The following H2BC4 variants were observed in gnomAD, a reference collection of about 807,000 sequenced individuals.
H2BC4 encodes histone H2B type 1-C/E/F/G/I.
In H2BC4, 10 loss-of-function variants were observed where a neutral mutation model predicts 6.2. The observed-to-expected ratio is 1.61, with a 90% CI of 0.99 to 2.73. The LOEUF is 2.73. H2BC4 is among the 30% of genes most tolerant of loss of function. The pLI is 0.00. For synonymous variants in H2BC4, 146 were observed against 70.7 expected, an observed-to-expected ratio of 2.07 and a Z score of -5.35; for missense variants, 176 against 168.7, an observed-to-expected ratio of 1.04 and a Z score of -0.24.
At chr6:26,119,835 T>C (rs557326462), downstream of H2BC4, among the ~76,000 whole-genome samples, 19 of 152,050 alleles carry the variant, frequency 1.2e-4, no homozygotes, top group Middle Eastern at 7.5e-3. Flanking sequence ...AGATGTATTA[T>C]ATATTTTCCT....
chr6:26,114,695 C>A (rs114769149), downstream of H2BC4, among the ~76,000 whole-genome samples: 4,040 of 151,580 alleles, frequency 0.027, 142 homozygotes, highest in African/African-American at 0.078. Context: ...TTGAAGTAGT[C>A]AATAACAAAT....
At chr6:26,122,950 T>C (rs1459292940), downstream of H2BC4, among the ~76,000 whole-genome samples, 2 of 152,196 alleles carry the variant, frequency 1.3e-5, no homozygotes, top group East Asian at 3.8e-4. Flanking sequence ...ACCGGGGCAG[T>C]TGGAAACCCA....
At chr6:26,121,027 A>C (rs887823921), downstream of H2BC4, among the ~76,000 whole-genome samples, 2 of 152,188 alleles carry the variant, frequency 1.3e-5, no homozygotes, top group Admixed American at 1.3e-4. Flanking sequence ...ATCTTAACAC[A>C]GGAATACTGG....
downstream of H2BC4, among the ~76,000 whole-genome samples, chr6:26,123,186 G>A (rs1179110356): frequency 6.6e-6 from 1 of 152,208 alleles, no homozygotes; most frequent in East Asian, 1.9e-4. Flanking sequence ...TCCTGGCGAC[G>A]TAGACAGGGA....
rs1358360275 is a variant in H2BC4 at position 26,116,145 on chromosome 6, G to GT, written c.*10-1011dup. Among the ~76,000 whole-genome samples the GT allele has an allele frequency of 4.6e-5, 7 of 152,160 alleles. No homozygotes were observed. In the South Asian group the frequency reaches 1.5e-3, roughly 32 times the overall value. On this transcript the variant is annotated intron_variant, in intron 1 of 1. Transcript: ENST00000314332. The stretch of plus-strand genomic sequence containing the variant: ...TAGAATTTTAAGTGATGAGGATAAG[G>GT]TTTTACCACAGGTAGCCTCCTCTAC...
At chr6:26,122,397 T>A (rs985122183), downstream of H2BC4, among the ~76,000 whole-genome samples, 2 of 152,218 alleles carry the variant, frequency 1.3e-5, no homozygotes, top group African/African-American at 4.8e-5. Context: ...AAAAACGTGT[T>A]CTAGACTTGA....
At chr6:26,116,058 A>C (rs370433456) in intron 1 of H2BC4, among the ~76,000 whole-genome samples, 1 of 152,206 alleles carries the variant, frequency 6.6e-6, no homozygotes, top group Non-Finnish European at 1.5e-5. Flanking sequence ...AAGTTTATTC[A>C]TATTTCTCTT....
intron 1 of H2BC4, among the ~76,000 whole-genome samples, chr6:26,118,085 A>C (rs1202481572): frequency 2.0e-5 from 3 of 152,182 alleles, no homozygotes; most frequent in African/African-American, 7.2e-5. Flanking sequence ...TTTTGGTAAA[A>C]ATATCTCATA....
downstream of H2BC4, among the ~76,000 whole-genome samples, chr6:26,122,458 TG>T (rs1353568006): frequency 6.6e-6 from 1 of 152,192 alleles, no homozygotes; most frequent in African/African-American, 2.4e-5. Flanking sequence ...AATCTTTACC[TG>T]GAAAAGACCA....
chr6:26,114,636 A>G (rs1036579175), downstream of H2BC4, among the ~76,000 whole-genome samples: 1 of 152,092 alleles, frequency 6.6e-6, no homozygotes, highest in African/African-American at 2.4e-5. Flanking sequence ...ATGTACAAAG[A>G]TGTGTGAGCT....
At chr6:26,118,303 A>C (rs949561850) in intron 1 of H2BC4, among the ~76,000 whole-genome samples, 7 of 151,812 alleles carry the variant, frequency 4.6e-5, no homozygotes, top group Admixed American at 2.6e-4. Flanking sequence ...TCTTAGATGA[A>C]TAGGTCTCAA....
chr6:26,123,826 C>T lies in H2BC4; in HGVS notation c.79G>A (p.Gly27Ser), dbSNP rs370369700. 142 of 1,614,146 alleles carry T rather than the reference C, an allele frequency of 8.8e-5. No homozygotes were observed. Among genetic ancestry groups the T allele is most frequent in the Non-Finnish European group, 1.1e-4 (134 of 1,180,052 alleles). ...KAVTKAQKKD[G>S]KKRKRSRKES... ...TTGCGGCTGCGCTTGCGCTTCTTGC[C>T]ATCTTTCTTCTGCGCTTTGGTCACT... Residue 27 changes from glycine to serine, a missense_variant, in exon 1 of 1, where the codon GGC becomes AGC. Transcript: ENST00000396984.
At chr6:26,123,366 C>T (rs561633884), downstream of H2BC4, 2 of 1,300,572 alleles carry the variant, frequency 1.5e-6, no homozygotes, top group Non-Finnish European at 2.1e-6. Context: ...CCTCTCTAAG[C>T]TGCAACACTT....
Position 26,123,876 on chromosome 6 carries a change from G to C in H2BC4, c.29C>G (p.Ala10Gly). The C allele has an allele frequency of 6.2e-7, 1 of 1,614,184 alleles. No homozygotes were observed. The highest frequency in any genetic ancestry group is 8.5e-7 in the Non-Finnish European group (1 of 1,180,034). The part of the protein sequence containing the change: MPEPAKSAP[A>G]PKKGSKKAVT... ...TGCCTTCTTGGAGCCCTTCTTCGGGGCGGGAGCAGACTTGGCTGGCTCAGG... is the reference window on the plus strand; with the variant it reads ...TGCCTTCTTGGAGCCCTTCTTCGGGCCGGGAGCAGACTTGGCTGGCTCAGG... The change falls in exon 1 of 1, where the codon GCC (alanine) becomes GGC (glycine). Residue 10 changes from alanine (A) to glycine (G), a missense_variant. Physicochemically the swap from Ala to Gly is moderately conservative, Grantham distance 60. Transcript: ENST00000396984.
chr6:26,115,881 CA>C (rs1407939337), intron 1 of H2BC4, among the ~76,000 whole-genome samples: 2 of 152,076 alleles, frequency 1.3e-5, no homozygotes, highest in African/African-American at 4.8e-5. Flanking sequence ...ATTGTTTAAG[CA>C]AGTCTAACAA....
At chr6:26,120,068 G>A (rs1033566626), downstream of H2BC4, among the ~76,000 whole-genome samples, 8 of 151,962 alleles carry the variant, frequency 5.3e-5, no homozygotes, top group Admixed American at 2.6e-4. Flanking sequence ...TTAAATTGAT[G>A]TATTTTAAGT....
At chr6:26,119,788 AATT>A (rs1428585825), downstream of H2BC4, among the ~76,000 whole-genome samples, 2 of 127,950 alleles carry the variant, frequency 1.6e-5, no homozygotes, top group Non-Finnish European at 1.7e-5. Flanking sequence ...TTTAAAATGA[AATT>A]ATTAAGCCAA....
chr6:26,123,313 C>G, downstream of H2BC4: 1 of 882,054 alleles, frequency 1.1e-6, no homozygotes, highest in Non-Finnish European at 1.7e-6. Flanking sequence ...ACCCCAAAGC[C>G]ATTTTTAATG....
At chr6:26,123,242 G>C (rs1763532485), downstream of H2BC4, 5 of 497,550 alleles carry the variant, frequency 1.0e-5, no homozygotes, top group Non-Finnish European at 1.4e-5. Context: ...GTTTCTTCCG[G>C]GAACGCCGAG....
Sources: gnomAD v4.1 joint callset for allele counts (sites outside exome capture counted in the v4.1 genomes callset) on GRCh38, gnomAD v4.1.1 for gene constraint, MANE v1.5 for transcripts, NCBI Gene and HGNC (gene_info 2026-07-23, HGNC 2026-07-21) for gene names.